IL1RAP: variants seen among roughly 807,000 people sequenced by gnomAD.
IL1RAP encodes interleukin-1 receptor accessory protein.
In IL1RAP, 35 loss-of-function variants were observed where a neutral mutation model predicts 60.7. The observed-to-expected ratio is 0.58, with a 90% confidence interval of 0.44 to 0.76. IL1RAP has a LOEUF of 0.76. Among genes scored for constraint, IL1RAP ranks in the 30% least tolerant of loss-of-function variants. The pLI is 0.00. For synonymous variants in IL1RAP, 268 were observed against 250.9 expected (o/e 1.07, Z -0.64); for missense variants, 572 against 693.9 (o/e 0.82, Z 1.97).
intron 4 of IL1RAP, 95 bp downstream of exon 4, chr3:190,604,508 G>A (rs2108752887): frequency 7.8e-7 from 1 of 1,279,698 alleles, no homozygotes; most frequent in East Asian, 2.5e-5. Flanking sequence ...GGAGAAGTCG[G>A]AAGCATTTAG....
chr3:190,622,457 A>G lies in IL1RAP; in HGVS notation c.704-887A>G, dbSNP rs1333111961. Among the ~76,000 whole-genome samples, 4 of 152,058 alleles carry G rather than the reference A, an allele frequency of 2.6e-5. No individual in the cohort carries two copies. The South Asian group carries it at 8.3e-4, about 32-fold the overall frequency. ...CCCCACAGGTGAAGGACTCCTTCCT[A>G]AAAGACTGCCCCACCCCCTACTTTA... On this transcript the variant is annotated intron_variant, in intron 6 of 11. Transcript: ENST00000447382.
chr3:190,648,863 T>A lies in IL1RAP; in HGVS notation c.*158T>A, dbSNP rs748183454. ...GTGACTGTGTGGCTGACTATTCTGCTTCCTCAGGCAACACTAAAGTTTAGA... is the reference window on the plus strand; with the variant it reads ...GTGACTGTGTGGCTGACTATTCTGCATCCTCAGGCAACACTAAAGTTTAGA... On this transcript the variant is annotated 3_prime_UTR_variant, in exon 12 of 12. Coordinates refer to ENST00000447382, the MANE Select transcript of IL1RAP (RefSeq NM_002182.4). 90 of 1,418,796 alleles carry A rather than the reference T, an allele frequency of 6.3e-5. No homozygotes were observed. Among genetic ancestry groups the A allele is most frequent in the Non-Finnish European group, 5.7e-5 (62 of 1,088,296 alleles). 87.9% of individuals were successfully genotyped at this position (1,418,796 alleles called of 1,614,324 possible).
intron 1 of IL1RAP, among the ~76,000 whole-genome samples, chr3:190,536,653 A>T (rs1477510075): frequency 3.3e-5 from 5 of 152,202 alleles, no homozygotes; most frequent in Non-Finnish European, 2.9e-5. Flanking sequence ...ATCATAAGCT[A>T]GACAATGTAA....
Position 190,629,491 on chromosome 3 carries a change from G to A in IL1RAP, c.1044G>A (p.Lys348=). Residue 348 remains lysine (K), a synonymous_variant, in exon 9 of 12, where the codon AAG becomes AAA. Transcript: ENST00000447382. ...AAGTTGCCAAAGCAGCCAAGGTGAA[G>A]CAGAAAGGTAATAGATGCGGTCAGT... ...KGEVAKAAKV[K]QKVPAPRYTV... is the part of the protein sequence containing the mutation. 1 of 1,611,448 alleles carries A rather than the reference G, an allele frequency of 6.2e-7. No homozygotes were observed.
chr3:190,640,699 C>T (rs374421738), intron 9 of IL1RAP, among the ~76,000 whole-genome samples: 9 of 152,066 alleles, frequency 5.9e-5, no homozygotes, highest in Non-Finnish European at 1.0e-4. Context: ...CCTAGAGAAA[C>T]GTGATTGTAG....
At chr3:190,543,000 T>C (rs1264600748) in intron 1 of IL1RAP, among the ~76,000 whole-genome samples, 4 of 151,744 alleles carry the variant, frequency 2.6e-5, no homozygotes, top group Non-Finnish European at 5.9e-5. Context: ...TAAACAGAAT[T>C]CTTGGTGTAA....
intron 1 of IL1RAP, among the ~76,000 whole-genome samples, chr3:190,546,015 C>A (rs1724337794): frequency 6.6e-6 from 1 of 152,062 alleles, no homozygotes; most frequent in Admixed American, 6.5e-5. Flanking sequence ...GGGTGATGAC[C>A]TATCGATGCC....
chr3:190,656,028 C>A, downstream of IL1RAP: 2 of 1,537,202 alleles, frequency 1.3e-6, no homozygotes, highest in Non-Finnish European at 1.7e-6. Flanking sequence ...CCATTGCCAC[C>A]AAGCTCATTG....
chr3:190,618,757 GCTGACCTGACAAGTGTCTA>G (rs1731503322), intron 5 of IL1RAP, among the ~76,000 whole-genome samples: 1 of 152,170 alleles, frequency 6.6e-6, no homozygotes, highest in African/African-American at 2.4e-5. Context: ...GAAATCGTTT[GCTGACCTGACAAGTGTCTA>G]CAAGTATTGC....
At chr3:190,583,249 G>C (rs4687153) in intron 3 of IL1RAP, among the ~76,000 whole-genome samples, 53,443 of 152,116 alleles carry the variant, frequency 0.35, 9,675 homozygotes, top group East Asian at 0.51. Flanking sequence ...GCCTCTGTAT[G>C]TTTTATGTGT....
chr3:190,581,113 A>G (rs1161739874), intron 3 of IL1RAP, among the ~76,000 whole-genome samples: 2 of 152,146 alleles, frequency 1.3e-5, no homozygotes, highest in Admixed American at 1.3e-4. Flanking sequence ...TTGTTAGTGT[A>G]ACAAATATAA....
intron 3 of IL1RAP, among the ~76,000 whole-genome samples, chr3:190,573,977 A>C (rs1181821468): frequency 6.6e-6 from 1 of 152,188 alleles, no homozygotes; most frequent in Non-Finnish European, 1.5e-5. Flanking sequence ...CCAAATTCAA[A>C]AAATTGAATG....
chr3:190,601,226 C>T (rs778707610), intron 3 of IL1RAP, among the ~76,000 whole-genome samples: 10 of 152,190 alleles, frequency 6.6e-5, no homozygotes, highest in Non-Finnish European at 7.3e-5. Context: ...CTCAGGTGAT[C>T]CGCCCCCTCG....
chr3:190,520,945 A>G (rs951642224), intron 1 of IL1RAP, among the ~76,000 whole-genome samples: 2 of 152,220 alleles, frequency 1.3e-5, no homozygotes, highest in Non-Finnish European at 2.9e-5. Context: ...TTTCCATAAT[A>G]TAGTGGACAT....
At chr3:190,631,548 G>C in intron 9 of IL1RAP, among the ~76,000 whole-genome samples, 1 of 152,106 alleles carries the variant, frequency 6.6e-6, no homozygotes, top group East Asian at 1.9e-4. Flanking sequence ...TCTATTCTGG[G>C]CCAGCTAATG....
At chr3:190,604,107 T>C (rs1329626869) in intron 3 of IL1RAP, 21 bp from the exon 4 acceptor site, 1 of 1,606,630 alleles carries the variant, frequency 6.2e-7, no homozygotes. Context: ...TGCCCCTTTC[T>C]TTCTTTTTTG....
intron 1 of IL1RAP, among the ~76,000 whole-genome samples, chr3:190,528,558 A>G (rs1307519147): frequency 6.6e-6 from 1 of 152,228 alleles, no homozygotes; most frequent in African/African-American, 2.4e-5. Context: ...CTTTTGGACA[A>G]TAAGCATTTT....
chr3:190,612,076 C>A (rs966446159), intron 5 of IL1RAP, among the ~76,000 whole-genome samples: 1 of 152,040 alleles, frequency 6.6e-6, no homozygotes, highest in Non-Finnish European at 1.5e-5. Context: ...TGGAGATACT[C>A]AAATATTGTT....
chr3:190,604,153 C>T lies in IL1RAP; in HGVS notation c.90C>T (p.Asp30=), dbSNP rs778749832. 3.7e-6 allele frequency: 6 copies of T among 1,613,796 alleles called. No homozygotes were observed. In the South Asian group the frequency reaches 4.4e-5, roughly 12 times the overall value. The change falls in exon 4 of 12, where the codon GAC becomes GAT. Residue 30 remains aspartate, a synonymous_variant. Transcript: ENST00000447382. ...AACGCTGCGATGACTGGGGACTAGA[C>T]ACCATGAGGCAAATCCAAGTGTTTG... The part of the protein sequence containing the change: ...ASERCDDWGL[D]TMRQIQVFED...
Sources: gnomAD v4.1 joint callset for allele counts (sites outside exome capture counted in the v4.1 genomes callset) on GRCh38, gnomAD v4.1.1 for gene constraint, MANE v1.5 for transcripts, NCBI Gene and HGNC (gene_info 2026-07-23, HGNC 2026-07-21) for gene names.